Variants in PKDREJ observed in about 807,000 individuals in gnomAD.
The protein encoded by PKDREJ is PKD and REJ homolog.
For missense variants in PKDREJ, 2,507 were observed against 2,807.2 expected (o/e 0.89, Z 2.42); for synonymous variants, 1,031 against 1,095.5 (o/e 0.94, Z 1.16).
chr22:46,262,347 C>T lies in PKDREJ; in HGVS notation c.976G>A (p.Ala326Thr). Residue 326 changes from alanine to threonine, a missense_variant, in exon 1 of 1, where the codon GCC becomes ACC. By Grantham distance (58) the Ala-to-Thr change is moderately conservative (BLOSUM62 0). Transcript: ENST00000253255. This position sits in a 1 kb window ranked among gnomAD's most constrained non-coding sequence, Gnocchi z 8.1. ...CTCCTGACGATCCAGACATAGACGG[C>T]GTCCGAGTCTTTCACCTCGGGCATC... ...PKMPEVKDSD[A>T]VYVWIVRSSL... The T allele has an allele frequency of 6.2e-7, 1 of 1,614,150 alleles. No individual in the cohort carries two copies. The highest frequency in any genetic ancestry group is 2.2e-5 in the East Asian group (1 of 44,890).
chr22:46,261,431 G>C lies in PKDREJ; in HGVS notation c.1892C>G (p.Pro631Arg). The change falls in exon 1 of 1, where the codon CCT becomes CGT. Residue 631 changes from proline (P) to arginine (R), a missense_variant. Pro to Arg is a moderately radical substitution (Grantham distance 103). Coordinates refer to ENST00000253255, the MANE Select transcript of PKDREJ (RefSeq NM_006071.2). This position sits in a 1 kb window ranked among gnomAD's most constrained non-coding sequence, Gnocchi z 7.1. ...LYLGPQSTVP[P>R]SFLPVGMLAS... is the part of the protein sequence containing the mutation. ...CAACATACCAACAGGGAGAAAGGAA[G>C]GGGGTACTGTGGACTGAGGCCCCAA... is the stretch of plus-strand genomic sequence containing the variant. The C allele has an allele frequency of 6.2e-7, 1 of 1,614,140 alleles. No homozygotes were observed. The highest frequency in any genetic ancestry group is 8.5e-7 in the Non-Finnish European group (1 of 1,180,032).
chr22:46,257,105 T>C lies in PKDREJ; in HGVS notation c.6218A>G (p.Tyr2073Cys), dbSNP rs747517144. 4.3e-6 allele frequency: 7 copies of C among 1,613,834 alleles called. No individual in the cohort carries two copies. In the Admixed American group the frequency reaches 1.0e-4, roughly 23 times the overall value. The change falls in exon 1 of 1, where the codon TAC (tyrosine) becomes TGC (cysteine). Residue 2073 changes from tyrosine to cysteine, a missense_variant. Tyr to Cys is a radical substitution (Grantham distance 194, BLOSUM62 -2). Transcript: ENST00000253255. The surrounding 1 kb of genome is among the most constrained non-coding windows in gnomAD (Gnocchi z 4.7). The stretch of plus-strand genomic sequence containing the variant: ...GGCCCTCTGAGCCAGGCGCACATCG[T>C]AGAAGAATCTGGAATACCTGAGGGT... ...LKTLRYSRFF[Y>C]DVRLAQRAIQ...
rs370203016 is a variant in PKDREJ, at chr22:46,256,167, G to A, written c.*394C>T. The stretch of plus-strand genomic sequence containing the variant: ...CATTAGCTTCCAGCATGGGTCAAGC[G>A]CAGAAACACCCAGACAATGCTCCAC... On this transcript the variant is annotated 3_prime_UTR_variant, in exon 1 of 1. Coordinates refer to ENST00000253255, the MANE Select transcript of PKDREJ (RefSeq NM_006071.2). The surrounding 1 kb of genome is among the most constrained non-coding windows in gnomAD (Gnocchi z 5.3). 3 of 176,564 alleles carry A rather than the reference G, an allele frequency of 1.7e-5. No homozygotes were observed. The highest frequency in any genetic ancestry group is 1.7e-4 in the Admixed American group (3 of 17,962). 10.9% of individuals were successfully genotyped at this position (176,564 alleles called of 1,614,324 possible).
In PKDREJ at chr22:46,257,473, G is replaced by A; in HGVS notation, c.5850C>T (p.His1950=). 2 of 1,614,116 alleles carry A rather than the reference G, an allele frequency of 1.2e-6. No homozygotes were observed. The highest frequency in any genetic ancestry group is 2.2e-5 in the South Asian group (2 of 91,076). Residue 1950 remains histidine (H), a synonymous_variant, in exon 1 of 1, where the codon CAC becomes CAT. Coordinates refer to ENST00000253255, the MANE Select transcript of PKDREJ (RefSeq NM_006071.2). The surrounding 1 kb of genome is among the most constrained non-coding windows in gnomAD (Gnocchi z 4.7). ...TGTCAAAATCAGCAAGTGAAAAAGA[G>A]TGCAGAGATATGCTTGTGTTGACAA... The part of the protein sequence containing the change: ...LGVVNTSISL[H]SFSLADFDRK...
In PKDREJ at chr22:46,262,010, T is replaced by C; in HGVS notation, c.1313A>G (p.Asp438Gly). The C allele has an allele frequency of 1.2e-6, 2 of 1,614,038 alleles. No homozygotes were observed. Among genetic ancestry groups the C allele is most frequent in the Non-Finnish European group, 1.7e-6 (2 of 1,179,996 alleles). The change falls in exon 1 of 1, where the codon GAC (aspartate) becomes GGC (glycine). Residue 438 changes from aspartate to glycine, a missense_variant. By Grantham distance (94) the Asp-to-Gly change is moderately conservative. Coordinates refer to ENST00000253255, the MANE Select transcript of PKDREJ (RefSeq NM_006071.2). This position sits in a 1 kb window ranked among gnomAD's most constrained non-coding sequence, Gnocchi z 8.1. ...CTTATCAGAAAACGCTGTCCTAGAG[T>C]CCTTCCGAATCACCATTCTGAAGAA... ...VYFFRMVIRK[D>G]SRTAFSDKRV...
At position 46,261,421 on chromosome 22, in the gene PKDREJ, G is replaced by C; in HGVS notation, c.1902C>G (p.Leu634=). 1 of 1,614,128 alleles carries C rather than the reference G, an allele frequency of 6.2e-7. No homozygotes were observed. ...ATTGACTAGCCAACATACCAACAGG[G>C]AGAAAGGAAGGGGGTACTGTGGACT... ...GPQSTVPPSF[L]PVGMLASQYG... is the part of the protein sequence containing the mutation. Residue 634 remains leucine, a synonymous_variant, in exon 1 of 1, where the codon CTC becomes CTG. Transcript: ENST00000253255. This position sits in a 1 kb window ranked among gnomAD's most constrained non-coding sequence, Gnocchi z 7.1.
chr22:46,262,728 A>G lies in PKDREJ; in HGVS notation c.595T>C (p.Ser199Pro), dbSNP rs759764632. The change falls in exon 1 of 1, where the codon TCC becomes CCC. Residue 199 changes from serine to proline, a missense_variant. Transcript: ENST00000253255. The surrounding 1 kb of genome is among the most constrained non-coding windows in gnomAD (Gnocchi z 8.1). ...ARVMLQAVNS[S>P]SHRAVESSVS... ...GACGACTCGACGGCTCTGTGGCTGG[A>G]CGAGTTGACGGCCTGCAACATCACG... 1.8e-4 allele frequency: 284 copies of G among 1,609,142 alleles called. 1 individual carries two copies. Among genetic ancestry groups the G allele is most frequent in the Admixed American group, 4.9e-4 (29 of 59,412 alleles).
rs1936662251 is a variant in PKDREJ at position 46,258,792 on chromosome 22, C to G, written c.4531G>C (p.Ala1511Pro). The G allele has an allele frequency of 1.2e-6, 2 of 1,614,014 alleles. No homozygotes were observed. Among genetic ancestry groups the G allele is most frequent in the African/African-American group, 2.7e-5 (2 of 74,894 alleles). ...ASKGKPRLPK[A>P]SPKATSKPKH... ...GGTTTGGAGGTTGCCTTAGGAGAAG[C>G]CTTTGGAAGCCTGGGCTTTCCTTTA... Residue 1511 changes from alanine (A) to proline (P), a missense_variant, in exon 1 of 1, where the codon GCT becomes CCT. Transcript: ENST00000253255. The surrounding 1 kb of genome is among the most constrained non-coding windows in gnomAD (Gnocchi z 6.1).
chr22:46,257,314 A>G lies in PKDREJ; in HGVS notation c.6009T>C (p.Phe2003=), dbSNP rs2042943838. 6.2e-7 allele frequency: 1 copy of G among 1,614,096 alleles called. No homozygotes were observed. The highest frequency in any genetic ancestry group is 1.1e-5 in the South Asian group (1 of 91,076). The change falls in exon 1 of 1, where the codon TTT becomes TTC. Residue 2003 remains phenylalanine (F), a synonymous_variant. Coordinates refer to ENST00000253255, the MANE Select transcript of PKDREJ (RefSeq NM_006071.2). This position sits in a 1 kb window ranked among gnomAD's most constrained non-coding sequence, Gnocchi z 4.7. ...YVRSVYNLLN[F]ALKCIFTVLI... ...ACACAGTAAATATGCACTTTAAAGC[A>G]AAGTTGAGCAAATTATACACACTTC...
In PKDREJ at chr22:46,258,666, C is replaced by T. The variant is rs138075246; in HGVS notation, c.4657G>A (p.Glu1553Lys). Residue 1553 changes from glutamate (E) to lysine (K), a missense_variant, in exon 1 of 1, where the codon GAA becomes AAA. Physicochemically the swap from Glu to Lys is moderately conservative, Grantham distance 56 (BLOSUM62 1). Transcript: ENST00000253255. The surrounding 1 kb of genome is among the most constrained non-coding windows in gnomAD (Gnocchi z 6.1). ...AGATCCTTTTGGGAAGGGTGCTGTT[C>T]GGAATGGACATCCTGATCATCTTCT... The part of the protein sequence containing the change: ...NIEDDQDVHS[E>K]QHPSQKDLQQ... 4.5e-5 allele frequency: 73 copies of T among 1,614,156 alleles called. No homozygotes were observed. Among genetic ancestry groups the T allele is most frequent in the African/African-American group, 4.0e-4 (30 of 75,014 alleles).
Position 46,261,743 on chromosome 22 carries a change from A to G in PKDREJ, c.1580T>C (p.Phe527Ser), listed in dbSNP as rs1296867190. 6.2e-7 allele frequency: 1 copy of G among 1,614,068 alleles called. No individual in the cohort carries two copies. Among genetic ancestry groups the G allele is most frequent in the Non-Finnish European group, 8.5e-7 (1 of 1,180,040 alleles). The change falls in exon 1 of 1, where the codon TTT becomes TCT. Residue 527 changes from phenylalanine (F) to serine (S), a missense_variant. Physicochemically the swap from Phe to Ser is radical, Grantham distance 155. Transcript: ENST00000253255. The surrounding 1 kb of genome is among the most constrained non-coding windows in gnomAD (Gnocchi z 7.1). ...GAYLSIKAFA[F>S]RHFLEAEFSI... ...AAACTCAGCTTCCAAAAAATGCCGAAAAGCAAAAGCTTTTATAGACAGATA... is the reference window on the plus strand; with the variant it reads ...AAACTCAGCTTCCAAAAAATGCCGAGAAGCAAAAGCTTTTATAGACAGATA...
In PKDREJ at chr22:46,259,289, A is replaced by G; in HGVS notation, c.4034T>C (p.Val1345Ala). ...VDTTLDRTFH[V>A]THPDERLTRK... The stretch of plus-strand genomic sequence containing the variant: ...AGTCAGACGCTCATCTGGATGGGTA[A>G]CGTGAAATGTTCTGTCCAAAGTGGT... Residue 1345 changes from valine to alanine, a missense_variant, in exon 1 of 1, where the codon GTT (valine) becomes GCT (alanine). Val to Ala is a moderately conservative substitution (Grantham distance 64). Transcript: ENST00000253255. This position sits in a 1 kb window ranked among gnomAD's most constrained non-coding sequence, Gnocchi z 6.8. 6.2e-7 allele frequency: 1 copy of G among 1,614,192 alleles called. No homozygotes were observed. Among genetic ancestry groups the G allele is most frequent in the East Asian group, 2.2e-5 (1 of 44,890 alleles).
Position 46,262,578 on chromosome 22 carries a change from A to G in PKDREJ, c.745T>C (p.Cys249Arg). 6.2e-7 allele frequency: 1 copy of G among 1,609,064 alleles called. No homozygotes were observed. Among genetic ancestry groups the G allele is most frequent in the Non-Finnish European group, 8.5e-7 (1 of 1,178,024 alleles). Residue 249 changes from cysteine (C) to arginine (R), a missense_variant, in exon 1 of 1, where the codon TGC becomes CGC. Cys to Arg is a radical substitution (Grantham distance 180). Transcript: ENST00000253255. This position sits in a 1 kb window ranked among gnomAD's most constrained non-coding sequence, Gnocchi z 8.1. ...TGGGCGATGGCGCGCGCGGCCGGGC[A>G]GTCCAGCTGCACCGAGGCGTTGATG... ...ATINASVQLD[C>R]PAARAIAQYW...
Position 46,260,409 on chromosome 22 carries a change from T to C in PKDREJ, c.2914A>G (p.Ser972Gly). 1 of 1,614,220 alleles carries C rather than the reference T, an allele frequency of 6.2e-7. No individual in the cohort carries two copies. Among genetic ancestry groups the C allele is most frequent in the Non-Finnish European group, 8.5e-7 (1 of 1,180,032 alleles). ...AAFNLTVGPN[S>G]EVDGSLKKTT... The stretch of plus-strand genomic sequence containing the variant: ...TTCTTCAAGGACCCATCAACCTCGC[T>C]GTTGGGTCCCACTGTGAGATTAAAA... Residue 972 changes from serine (S) to glycine (G), a missense_variant, in exon 1 of 1, where the codon AGC becomes GGC. By Grantham distance (56) the Ser-to-Gly change is moderately conservative (BLOSUM62 0). Coordinates refer to ENST00000253255, the MANE Select transcript of PKDREJ (RefSeq NM_006071.2). This position sits in a 1 kb window ranked among gnomAD's most constrained non-coding sequence, Gnocchi z 4.5.
In PKDREJ at chr22:46,260,754, G is replaced by T; in HGVS notation, c.2569C>A (p.Pro857Thr). 1 of 1,614,090 alleles carries T rather than the reference G, an allele frequency of 6.2e-7. No homozygotes were observed. The highest frequency in any genetic ancestry group is 8.5e-7 in the Non-Finnish European group (1 of 1,179,986). The change falls in exon 1 of 1, where the codon CCC becomes ACC. Residue 857 changes from proline (P) to threonine (T), a missense_variant. By Grantham distance (38) the Pro-to-Thr change is conservative. Coordinates refer to ENST00000253255, the MANE Select transcript of PKDREJ (RefSeq NM_006071.2). This position sits in a 1 kb window ranked among gnomAD's most constrained non-coding sequence, Gnocchi z 4.5. The stretch of plus-strand genomic sequence containing the variant: ...TTCTTGACATACATGTTGAAATTGG[G>T]GGTTCTCATTGAGGTGGTTTTGTTC... ...PGNKTTSMRTPNFNMYVKKVE... is the reference protein window; with the variant it reads ...PGNKTTSMRTTNFNMYVKKVE...
chr22:46,260,389 C>T lies in PKDREJ; in HGVS notation c.2934G>A (p.Leu978=). 2 of 1,614,222 alleles carry T rather than the reference C, an allele frequency of 1.2e-6. No individual in the cohort carries two copies. Among genetic ancestry groups the T allele is most frequent in the Non-Finnish European group, 1.7e-6 (2 of 1,180,028 alleles). The stretch of plus-strand genomic sequence containing the variant: ...AGCTAAACCCACCTGTCGTCTTCTT[C>T]AAGGACCCATCAACCTCGCTGTTGG... ...VGPNSEVDGS[L]KKTTGGFSFQ... is the part of the protein sequence containing the mutation. The change falls in exon 1 of 1, where the codon TTG becomes TTA. Residue 978 remains leucine, a synonymous_variant. Transcript: ENST00000253255. The surrounding 1 kb of genome is among the most constrained non-coding windows in gnomAD (Gnocchi z 4.5).
chr22:46,258,699 T>A lies in PKDREJ; in HGVS notation c.4624A>T (p.Asn1542Tyr), dbSNP rs1443650198. The A allele has an allele frequency of 6.2e-7, 1 of 1,614,094 alleles. No individual in the cohort carries two copies. The highest frequency in any genetic ancestry group is 8.5e-7 in the Non-Finnish European group (1 of 1,180,036). The change falls in exon 1 of 1, where the codon AAC (asparagine) becomes TAC (tyrosine). Residue 1542 changes from asparagine to tyrosine, a missense_variant. By Grantham distance (143) the Asn-to-Tyr change is moderately radical (BLOSUM62 -2). Coordinates refer to ENST00000253255, the MANE Select transcript of PKDREJ (RefSeq NM_006071.2). This position sits in a 1 kb window ranked among gnomAD's most constrained non-coding sequence, Gnocchi z 6.1. ...ETLGPNTNSN[N>Y]NIEDDQDVHS... ...ACATCCTGATCATCTTCTATGTTGT[T>A]ATTGGAATTTGTATTTGGCCCGAGG...
rs1469692928 is a variant in PKDREJ at position 46,257,639 on chromosome 22, G to A, written c.5684C>T (p.Thr1895Ile). 3.8e-5 allele frequency: 61 copies of A among 1,614,006 alleles called. No individual in the cohort carries two copies. Among genetic ancestry groups the A allele is most frequent in the Non-Finnish European group, 5.2e-5 (61 of 1,180,010 alleles). ...FFPEQQRFNS[T>I]LRLKELQESN... ...TTCTTGAAGTTCTTTGAGCCTCAGT[G>A]TGGAATTAAACCGCTGCTGTTCTGG... Residue 1895 changes from threonine to isoleucine, a missense_variant, in exon 1 of 1, where the codon ACA (threonine) becomes ATA (isoleucine). By Grantham distance (89) the Thr-to-Ile change is moderately conservative. Coordinates refer to ENST00000253255, the MANE Select transcript of PKDREJ (RefSeq NM_006071.2). The surrounding 1 kb of genome is among the most constrained non-coding windows in gnomAD (Gnocchi z 4.7).
In PKDREJ at chr22:46,260,456, C is replaced by T. The variant is rs766678317; in HGVS notation, c.2867G>A (p.Arg956Lys). ...TPDVAEVYLV[R>K]KNLTFAAFNL... ...AAAAGCTGCAAAGGTCAAGTTTTTCCTGACAAGGTACACTTCCGCTACATC... is the reference window on the plus strand; with the variant it reads ...AAAAGCTGCAAAGGTCAAGTTTTTCTTGACAAGGTACACTTCCGCTACATC... The change falls in exon 1 of 1, where the codon AGG (arginine) becomes AAG (lysine). Residue 956 changes from arginine to lysine, a missense_variant. By Grantham distance (26) the Arg-to-Lys change is conservative (BLOSUM62 2). Transcript: ENST00000253255. The surrounding 1 kb of genome is among the most constrained non-coding windows in gnomAD (Gnocchi z 4.5). 1 of 1,614,096 alleles carries T rather than the reference C, an allele frequency of 6.2e-7. No homozygotes were observed. Among genetic ancestry groups the T allele is most frequent in the African/African-American group, 1.3e-5 (1 of 74,940 alleles).
Sources: allele counts gnomAD v4.1 joint callset, GRCh38; gene constraint gnomAD v4.1.1; non-coding constraint Gnocchi (gnomAD v3.1); transcripts MANE v1.5; gene names NCBI Gene and HGNC (gene_info 2026-07-23, HGNC 2026-07-21).